Variants in GRIA4 observed in about 807,000 individuals in gnomAD.
The protein encoded by GRIA4 is glutamate ionotropic receptor AMPA type subunit 4, also known as glutamate receptor 4.
GRIA4 carries 34 observed loss-of-function variants against 104.0 expected under a neutral mutation model. The observed-to-expected ratio is 0.33, with a 90% CI of 0.25 to 0.44. GRIA4 has a LOEUF of 0.44. GRIA4 is among the 20% of genes least tolerant of loss of function. The pLI is 1.00. For synonymous variants in GRIA4, 386 were observed against 381.9 expected (o/e 1.01, Z -0.13); for missense variants, 750 against 1,096.5 (o/e 0.68, Z 4.46).
At chr11:105,896,069 T>C (rs1465065132) in intron 6 of GRIA4, among the ~76,000 whole-genome samples, 1 of 152,192 alleles carries the variant, frequency 6.6e-6, no homozygotes, top group East Asian at 1.9e-4. Flanking sequence ...TTTTCCCTTT[T>C]CTCCACATCC....
chr11:105,657,823 G>T (rs980210451), intron 3 of GRIA4, among the ~76,000 whole-genome samples: 5 of 151,614 alleles, frequency 3.3e-5, no homozygotes, highest in African/African-American at 1.2e-4. Context: ...AATATAAAAA[G>T]AAAAAATAAG....
intron 3 of GRIA4, among the ~76,000 whole-genome samples, chr11:105,751,021 A>G (rs1223294330): frequency 6.6e-6 from 1 of 152,158 alleles, no homozygotes; most frequent in Non-Finnish European, 1.5e-5. Flanking sequence ...AATATTCATT[A>G]TATGCATAAG....
intron 4 of GRIA4, among the ~76,000 whole-genome samples, chr11:105,757,946 T>A (rs1367511250): frequency 2.0e-5 from 3 of 152,154 alleles, no homozygotes; most frequent in African/African-American, 7.2e-5. Flanking sequence ...ATAATAAAAT[T>A]GTATAAAAAT....
At chr11:105,880,345 T>G (rs981331577) in intron 5 of GRIA4, among the ~76,000 whole-genome samples, 1 of 152,218 alleles carries the variant, frequency 6.6e-6, no homozygotes, top group South Asian at 2.1e-4. Context: ...GAGAGAAGGA[T>G]ATACTCTACA....
At chr11:105,640,192 TG>T in intron 3 of GRIA4, among the ~76,000 whole-genome samples, 1 of 151,980 alleles carries the variant, frequency 6.6e-6, no homozygotes, top group Non-Finnish European at 1.5e-5. Context: ...GGAAGACATT[TG>T]CTTACTTAAA....
chr11:105,654,130 T>C lies in GRIA4; in HGVS notation c.247+41696T>C, dbSNP rs906657560. ...GGCCAGGAATAGAAAGTCTGTGAAA[T>C]CTGAGAAAGTTGAATTCATAGAAGC... On this transcript the variant is annotated intron_variant, in intron 3 of 16. Coordinates refer to ENST00000282499, the MANE Select transcript of GRIA4 (RefSeq NM_000829.4). Among the ~76,000 whole-genome samples the C allele has an allele frequency of 4.7e-5, 7 of 149,118 alleles. No homozygotes were observed. The South Asian group carries it at 1.3e-3, about 27-fold the overall frequency.
At chr11:105,800,990 T>G (rs117283358) in intron 4 of GRIA4, among the ~76,000 whole-genome samples, 3,485 of 151,930 alleles carry the variant, frequency 0.023, 58 homozygotes, top group Middle Eastern at 0.066. Flanking sequence ...ATTAACTAAA[T>G]ACAGCATGGT....
At chr11:105,640,993 AATT>A (rs1402887018) in intron 3 of GRIA4, among the ~76,000 whole-genome samples, 4 of 152,072 alleles carry the variant, frequency 2.6e-5, no homozygotes, top group African/African-American at 9.7e-5. Flanking sequence ...TTCTTAGCCT[AATT>A]ATTATTTTTT....
At chr11:105,922,536 T>C (rs2136191241) in intron 11 of GRIA4, among the ~76,000 whole-genome samples, 1 of 152,268 alleles carries the variant, frequency 6.6e-6, no homozygotes, top group African/African-American at 2.4e-5. Context: ...CTGGAAACAA[T>C]ATGAATATCC....
chr11:105,961,702 A>G (rs1007327101), intron 14 of GRIA4, among the ~76,000 whole-genome samples: 6 of 152,224 alleles, frequency 3.9e-5, no homozygotes, highest in South Asian at 2.1e-4. Flanking sequence ...ATGATGCTCA[A>G]AGGAAATGCA....
At chr11:105,922,771 AAAACAAGAGTAGGTGATGGG>A in intron 11 of GRIA4, among the ~76,000 whole-genome samples, 1 of 152,276 alleles carries the variant, frequency 6.6e-6, no homozygotes, top group East Asian at 1.9e-4. Context: ...ATAGAAAGAA[AAAACAAGAGTAGGTGATGGG>A]AAAAGATAAC....
At chr11:105,702,782 C>T (rs915804767) in intron 3 of GRIA4, among the ~76,000 whole-genome samples, 2 of 150,406 alleles carry the variant, frequency 1.3e-5, no homozygotes, top group East Asian at 2.0e-4. Context: ...GCAACCTCCA[C>T]CTCCTGAGTT....
chr11:105,930,975 A>C lies in GRIA4; in HGVS notation c.2047-2747A>C, dbSNP rs535302502. Among the ~76,000 whole-genome samples the C allele has an allele frequency of 2.0e-5, 3 of 152,280 alleles. No individual in the cohort carries two copies. The South Asian group carries it at 6.2e-4, about 32-fold the overall frequency. On this transcript the variant is annotated intron_variant, in intron 13 of 16. Coordinates refer to ENST00000282499, the MANE Select transcript of GRIA4 (RefSeq NM_000829.4). ...ATATGTTTAAAGGAAGTTTACCAGT[A>C]CTTCTGTAAAAATTAAAATTATCAA...
intron 4 of GRIA4, among the ~76,000 whole-genome samples, chr11:105,770,229 A>C (rs1941149048): frequency 6.6e-6 from 1 of 152,102 alleles, no homozygotes; most frequent in African/African-American, 2.4e-5. Flanking sequence ...GTTTGAAAAC[A>C]GACTTTACTT....
chr11:105,945,144 A>G (rs907342155), intron 14 of GRIA4, among the ~76,000 whole-genome samples: 1 of 152,078 alleles, frequency 6.6e-6, no homozygotes. Flanking sequence ...GGTGCCCACC[A>G]TGATGCGCCC....
intron 4 of GRIA4, among the ~76,000 whole-genome samples, chr11:105,836,909 T>A (rs1442755953): frequency 1.3e-5 from 2 of 152,182 alleles, no homozygotes. Flanking sequence ...AGTCTTGACC[T>A]AGCAGCATGT....
intron 5 of GRIA4, chr11:105,862,589 T>C (rs1362239483): frequency 1.1e-5 from 2 of 178,604 alleles, no homozygotes; most frequent in Non-Finnish European, 2.3e-5. Context: ...ACACTTACTT[T>C]AGAGAAGTGC....
rs768978225 is a variant in GRIA4 at position 105,753,014 on chromosome 11, T to C, written c.281T>C (p.Ile94Thr). ...CSQYSRGVFA[I>T]FGLYDKRSVH... ...CAGTATTCTAGAGGAGTATTTGCCA[T>C]TTTTGGACTCTATGATAAGAGGTCG... Residue 94 changes from isoleucine to threonine, a missense_variant, in exon 4 of 17, where the codon ATT (isoleucine) becomes ACT (threonine). Ile to Thr is a moderately conservative substitution (Grantham distance 89). Around this residue, in one of 3 missense-constraint regions of GRIA4, gnomAD observed 410 missense variants for 502.7 expected, o/e 0.82. Coordinates refer to ENST00000282499, the MANE Select transcript of GRIA4 (RefSeq NM_000829.4). 3 of 1,612,926 alleles carry C rather than the reference T, an allele frequency of 1.9e-6. No individual in the cohort carries two copies. The highest frequency in any genetic ancestry group is 1.1e-5 in the South Asian group (1 of 91,068).
intron 5 of GRIA4, among the ~76,000 whole-genome samples, chr11:105,863,521 T>A (rs984567909): frequency 6.6e-6 from 1 of 152,158 alleles, no homozygotes; most frequent in East Asian, 1.9e-4. Context: ...ATTCAATGTA[T>A]ATGAAATTTT....
Sources: gnomAD v4.1 joint callset for allele counts (sites outside exome capture counted in the v4.1 genomes callset) on GRCh38, gnomAD v4.1.1 for gene constraint, gnomAD v4.1.1 regional missense constraint, MANE v1.5 for transcripts, NCBI Gene and HGNC (gene_info 2026-07-23, HGNC 2026-07-21) for gene names.